ZNF148: variants seen among roughly 807,000 people sequenced by gnomAD.
ZNF148 encodes the protein zinc finger protein 148, also known as Beta-Enolase Repressor Factor-1.
Under a neutral mutation model 67.7 loss-of-function variants are expected in ZNF148, and 7 were observed. That is an observed-to-expected ratio of 0.10 (90% CI 0.06 to 0.19). The LOEUF is 0.19. Ranked by LOEUF, ZNF148 falls within the 10% of genes least tolerant of loss-of-function variation. ZNF148 has a pLI of 1.00. For missense variants in ZNF148, 583 were observed against 947.1 expected, an observed-to-expected ratio of 0.62 and a Z score of 5.05; for synonymous variants, 333 against 330.7, an observed-to-expected ratio of 1.01 and a Z score of -0.08.
At chr3:125,317,662 T>TATATATATATATATATAGAGAG (rs752542874) in intron 3 of ZNF148, among the ~76,000 whole-genome samples, 1 of 90,024 alleles carries the variant, frequency 1.1e-5, no homozygotes, top group African/African-American at 4.5e-5. Flanking sequence ...TATATATATA[T>TATATATATATATATATAGAGAG]AGAGAGAGAG....
intron 7 of ZNF148, among the ~76,000 whole-genome samples, chr3:125,242,587 C>A (rs551593197): frequency 6.6e-6 from 1 of 152,238 alleles, no homozygotes; most frequent in African/African-American, 2.4e-5. Context: ...GCCGAGACTG[C>A]GCCACTGCAC....
chr3:125,314,078 G>A (rs35424904), intron 3 of ZNF148, among the ~76,000 whole-genome samples: 5,328 of 151,922 alleles, frequency 0.035, 142 homozygotes, highest in South Asian at 0.084. Context: ...TAGTCATTAA[G>A]CATATAAAAA....
intron 1 of ZNF148, among the ~76,000 whole-genome samples, chr3:125,339,158 G>A (rs531507930): frequency 3.3e-5 from 5 of 152,226 alleles, no homozygotes; most frequent in African/African-American, 2.4e-5. Flanking sequence ...GATTACAGGT[G>A]TGAGCCACCA....
chr3:125,273,075 G>T lies in ZNF148; in HGVS notation c.667+4651C>A, dbSNP rs189312440. Among the ~76,000 whole-genome samples, 49 of 152,202 alleles carry T rather than the reference G, an allele frequency of 3.2e-4. 1 individual carries two copies. In the East Asian group the frequency reaches 3.5e-3, roughly 11 times the overall value. ...TAGAGCTAATTAACTATAAATTAGG[G>T]CTTGAAAAATGTGAGCAGAAAACTA... On this transcript the variant is annotated intron_variant, in intron 7 of 8. Coordinates refer to ENST00000360647, the MANE Select transcript of ZNF148 (RefSeq NM_021964.3).
rs149676751 is a variant in ZNF148, at chr3:125,295,361, G to C, written c.334-7133C>G. Among the ~76,000 whole-genome samples the C allele has an allele frequency of 8.0e-3, 1,211 of 151,534 alleles. 22 individuals carry two copies. The highest frequency in any genetic ancestry group is 0.027 in the African/African-American group (1,122 of 41,314). Reference sequence around the variant, plus strand: ...CCAGCTACTTGGGAGGCTGAGGCAGGAAAATAGCTTGAACCCAGGTGGCAG... The same window carrying C: ...CCAGCTACTTGGGAGGCTGAGGCAGCAAAATAGCTTGAACCCAGGTGGCAG... On this transcript the variant is annotated intron_variant, in intron 4 of 8. Coordinates refer to ENST00000360647, the MANE Select transcript of ZNF148 (RefSeq NM_021964.3).
chr3:125,252,592 A>ACCC (rs1285126472), intron 7 of ZNF148, among the ~76,000 whole-genome samples: 1 of 151,986 alleles, frequency 6.6e-6, no homozygotes, highest in South Asian at 2.1e-4. Context: ...GCATGATGAA[A>ACCC]CCCCATCTCT....
intron 1 of ZNF148, among the ~76,000 whole-genome samples, chr3:125,365,426 A>C (rs1335507720): frequency 6.6e-6 from 1 of 152,206 alleles, no homozygotes; most frequent in Non-Finnish European, 1.5e-5. Context: ...CACCTACTAC[A>C]TGAAAGAAAC....
intron 1 of ZNF148, among the ~76,000 whole-genome samples, chr3:125,341,689 G>A (rs1941729837): frequency 6.6e-6 from 1 of 151,988 alleles, no homozygotes. Flanking sequence ...TTTTTAAGGT[G>A]GGCTCAATAA....
chr3:125,317,932 A>AT (rs1482580594), intron 3 of ZNF148, among the ~76,000 whole-genome samples: 1 of 151,860 alleles, frequency 6.6e-6, no homozygotes, highest in East Asian at 1.9e-4. Flanking sequence ...ACTTAGTGTT[A>AT]TTTTAAAATA....
intron 7 of ZNF148, among the ~76,000 whole-genome samples, chr3:125,276,590 T>G (rs1480152212): frequency 2.6e-5 from 4 of 151,990 alleles, no homozygotes; most frequent in African/African-American, 9.7e-5. Context: ...TGTGCTACCA[T>G]GCCCGGCTAA....
At chr3:125,259,489 G>T (rs576972629) in intron 7 of ZNF148, among the ~76,000 whole-genome samples, 14 of 152,266 alleles carry the variant, frequency 9.2e-5, no homozygotes, top group African/African-American at 3.1e-4. Context: ...AGATATTGCA[G>T]GTTCAGTTCC....
At chr3:125,358,446 C>G (rs367969647) in intron 1 of ZNF148, among the ~76,000 whole-genome samples, 4 of 152,192 alleles carry the variant, frequency 2.6e-5, no homozygotes, top group East Asian at 3.8e-4. Context: ...ATAACTTTCT[C>G]AAACACTGCG....
chr3:125,292,561 C>A (rs542394140), intron 4 of ZNF148: 6 of 152,198 alleles, frequency 3.9e-5, no homozygotes, highest in Non-Finnish European at 7.3e-5. Flanking sequence ...TTCTTCATAG[C>A]AGTTCTTCTG....
chr3:125,308,308 C>G (rs1940001296), intron 4 of ZNF148, among the ~76,000 whole-genome samples: 1 of 151,972 alleles, frequency 6.6e-6, no homozygotes, highest in African/African-American at 2.4e-5. Flanking sequence ...TAGCATCCAA[C>G]CAAAACCATG....
At chr3:125,315,003 AGT>A (rs1387140165) in intron 3 of ZNF148, 23 of 152,476 alleles carry the variant, frequency 1.5e-4, no homozygotes, top group African/African-American at 5.5e-4. Flanking sequence ...TTGGGGCTGC[AGT>A]GAGCTGTGAC....
chr3:125,368,724 C>T (rs970485680), intron 1 of ZNF148, among the ~76,000 whole-genome samples: 19 of 151,980 alleles, frequency 1.3e-4, no homozygotes, highest in Non-Finnish European at 2.2e-4. Flanking sequence ...GTGAGTGGAT[C>T]ACTTGAGGCC....
chr3:125,260,420 ATAC>A (rs1366619149), intron 7 of ZNF148, among the ~76,000 whole-genome samples: 1 of 152,240 alleles, frequency 6.6e-6, no homozygotes, highest in Non-Finnish European at 1.5e-5. Flanking sequence ...TCCCAATGGA[ATAC>A]TACTCAGCAA....
rs1045242012 is a variant in ZNF148 at position 125,227,044 on chromosome 3, G to C, written c.*5297C>G. On this transcript the variant is annotated 3_prime_UTR_variant, in exon 9 of 9. Coordinates refer to ENST00000360647, the MANE Select transcript of ZNF148 (RefSeq NM_021964.3). ...GAGTCCTTCCCAATGATTTCTTAGG[G>C]AGTTGAAGAAACAACCTGCTGCAAC... 1 of 152,014 alleles carries C rather than the reference G, an allele frequency of 6.6e-6. No homozygotes were observed. Among genetic ancestry groups the C allele is most frequent in the African/African-American group, 2.4e-5 (1 of 41,386 alleles). 9.4% of individuals were successfully genotyped at this position (152,014 alleles called of 1,614,324 possible). A position where few individuals can be genotyped will look rare whatever the true frequency, so the allele number is the denominator to read the frequency against.
At chr3:125,291,402 C>G (rs896066635) in intron 4 of ZNF148, among the ~76,000 whole-genome samples, 5 of 152,108 alleles carry the variant, frequency 3.3e-5, no homozygotes, top group East Asian at 1.9e-4. Flanking sequence ...CAGAAAAGAC[C>G]TAAGGTACTT....
Sources: allele counts gnomAD v4.1 joint callset (sites outside exome capture counted in the v4.1 genomes callset), GRCh38; gene constraint gnomAD v4.1.1; transcripts MANE v1.5; gene names NCBI Gene and HGNC (gene_info 2026-07-23, HGNC 2026-07-21).